FYTTD1: variants seen among roughly 807,000 people sequenced by gnomAD.
FYTTD1 encodes the protein UAP56-interacting factor.
Under a neutral mutation model 40.9 loss-of-function variants are expected in FYTTD1, and 22 were observed. That is an observed-to-expected ratio of 0.54 (90% CI 0.38 to 0.77). The LOEUF is 0.77. Among genes scored for constraint, FYTTD1 ranks in the 30% least tolerant of loss-of-function variants. The probability of loss-of-function intolerance (pLI) is 0.00; values close to 1 mark genes in which losing one functional copy is unlikely to be tolerated. For missense variants in FYTTD1, 351 were observed against 392.2 expected, an observed-to-expected ratio of 0.90 and a Z score of 0.89; for synonymous variants, 140 against 137.9, an observed-to-expected ratio of 1.01 and a Z score of -0.10.
chr3:197,779,856 C>T (rs1189766399), intron 8 of FYTTD1, among the ~76,000 whole-genome samples: 6 of 146,950 alleles, frequency 4.1e-5, no homozygotes, highest in African/African-American at 1.5e-4. Flanking sequence ...ACACACACTA[C>T]ACCTGGAGAT....
In FYTTD1 at chr3:197,756,517, A is replaced by G; in HGVS notation, c.195A>G (p.Gln65=). The G allele has an allele frequency of 6.2e-7, 1 of 1,613,772 alleles. No individual in the cohort carries two copies. Among genetic ancestry groups the G allele is most frequent in the Non-Finnish European group, 8.5e-7 (1 of 1,179,650 alleles). ...TCCTCCAGCAAAGTGGTGCCCAGCAATTCAGGATGAGAGTGCGATGGGGAA... is the reference window on the plus strand; with the variant it reads ...TCCTCCAGCAAAGTGGTGCCCAGCAGTTCAGGATGAGAGTGCGATGGGGAA... ...RRLLQQSGAQ[Q]FRMRVRWGIQ... Residue 65 remains glutamine (Q), a synonymous_variant, in exon 2 of 9, where the codon CAA becomes CAG. Transcript: ENST00000241502.
At chr3:197,761,128 T>C (rs760501830) in intron 2 of FYTTD1, among the ~76,000 whole-genome samples, 18 of 151,758 alleles carry the variant, frequency 1.2e-4, no homozygotes, top group Non-Finnish European at 1.9e-4. Context: ...TGTTCTTCAG[T>C]GGTAGAATGT....
Position 197,781,815 on chromosome 3 carries a change from G to A in FYTTD1, c.863G>A (p.Gly288Glu), listed in dbSNP as rs772691789. ...TTGTTTTTTTCTTTTCTCTAGACAG[G>A]GATGACGTTGAATGAGCGGTTTGGG... Reference protein sequence around the residue: ...FDINSVGKQTGMTLNERFGIL... With the variant: ...FDINSVGKQTEMTLNERFGIL... Residue 288 changes from glycine (G) to glutamate (E), a missense_variant, in exon 9 of 9, where the codon GGG becomes GAG. Physicochemically the swap from Gly to Glu is moderately conservative, Grantham distance 98. Transcript: ENST00000241502. 6.2e-7 allele frequency: 1 copy of A among 1,602,880 alleles called. No individual in the cohort carries two copies. The highest frequency in any genetic ancestry group is 8.5e-7 in the Non-Finnish European group (1 of 1,172,884).
intron 1 of FYTTD1, among the ~76,000 whole-genome samples, chr3:197,756,215 A>G (rs763488439): frequency 9.2e-5 from 14 of 152,150 alleles, no homozygotes; most frequent in Non-Finnish European, 1.8e-4. Flanking sequence ...TTCATCAGGT[A>G]AAGAAATACT....
intron 2 of FYTTD1, among the ~76,000 whole-genome samples, chr3:197,762,590 A>G (rs1168481711): frequency 6.7e-6 from 1 of 149,692 alleles, no homozygotes; most frequent in Non-Finnish European, 1.5e-5. Context: ...CTCTGTCTCA[A>G]ACATAAAAAA....
rs1423045508 is a variant in FYTTD1 at position 197,749,918 on chromosome 3, A to G, written c.-54A>G. 1.0e-5 allele frequency: 12 copies of G among 1,187,204 alleles called. No individual in the cohort carries two copies. The highest frequency in any genetic ancestry group is 1.5e-5 in the South Asian group (1 of 65,470). The allele number at this position is 1,187,204 out of a possible 1,614,324, so 73.5% of individuals were successfully genotyped here. On this transcript the variant is annotated 5_prime_UTR_variant, in exon 1 of 9. Transcript: ENST00000241502. Reference sequence around the variant, plus strand: ...GCTGCGTGCGCGAGTGGGAGGTGGCAGGCCTGCGACTCCGGCCTTGTCCGC... The same window carrying G: ...GCTGCGTGCGCGAGTGGGAGGTGGCGGGCCTGCGACTCCGGCCTTGTCCGC...
chr3:197,778,902 C>G (rs900997796), intron 8 of FYTTD1, among the ~76,000 whole-genome samples: 2 of 152,146 alleles, frequency 1.3e-5, no homozygotes, highest in African/African-American at 4.8e-5. Context: ...TGGTAAATAC[C>G]TAGGAGTAGA....
intron 1 of FYTTD1, among the ~76,000 whole-genome samples, chr3:197,752,153 C>T (rs964001605): frequency 1.4e-4 from 21 of 152,288 alleles, no homozygotes; most frequent in Non-Finnish European, 2.6e-4. Context: ...CGTGAGCCGC[C>T]GCACCCGGCC....
intron 2 of FYTTD1, among the ~76,000 whole-genome samples, chr3:197,760,047 G>A (rs1729331773): frequency 6.6e-6 from 1 of 151,998 alleles, no homozygotes; most frequent in South Asian, 2.1e-4. Context: ...TTCTTCCGTG[G>A]TAGAACGTAT....
intron 2 of FYTTD1, among the ~76,000 whole-genome samples, chr3:197,764,704 G>A (rs1304092240): frequency 2.7e-4 from 10 of 37,196 alleles, no homozygotes; most frequent in Admixed American, 8.5e-4. Context: ...GCGAGAGTCC[G>A]TCCCAAAAAA....
intron 2 of FYTTD1, among the ~76,000 whole-genome samples, chr3:197,759,428 GT>G (rs1202040105): frequency 6.6e-6 from 1 of 151,872 alleles, no homozygotes; most frequent in African/African-American, 2.4e-5. Flanking sequence ...AATGTATGGA[GT>G]TGTTCTTCAG....
chr3:197,755,676 C>G (rs199534071), intron 1 of FYTTD1: 5 of 430,896 alleles, frequency 1.2e-5, no homozygotes, highest in Non-Finnish European at 1.3e-5. Context: ...TTAGTAGAGA[C>G]GGGATTTCAC....
chr3:197,753,903 C>G (rs1729139154), intron 1 of FYTTD1, among the ~76,000 whole-genome samples: 1 of 152,048 alleles, frequency 6.6e-6, no homozygotes, highest in African/African-American at 2.4e-5. Context: ...CCACACCCGG[C>G]TAATTTTTTG....
chr3:197,779,533 T>C (rs1272293695), intron 8 of FYTTD1, among the ~76,000 whole-genome samples: 1 of 148,110 alleles, frequency 6.8e-6, no homozygotes, highest in Non-Finnish European at 1.5e-5. Flanking sequence ...TTAGGACTTT[T>C]TTTTTTTTTT....
At chr3:197,763,956 G>A (rs577312088) in intron 2 of FYTTD1, among the ~76,000 whole-genome samples, 3 of 152,266 alleles carry the variant, frequency 2.0e-5, no homozygotes, top group Admixed American at 6.5e-5. Flanking sequence ...ACGCTCTGGC[G>A]GTACTTTATT....
chr3:197,779,042 T>C (rs1729951408), intron 8 of FYTTD1, among the ~76,000 whole-genome samples: 3 of 152,110 alleles, frequency 2.0e-5, no homozygotes, highest in African/African-American at 7.2e-5. Context: ...TTTCTCTACA[T>C]CCTCACCAAC....
chr3:197,749,961 C>G lies in FYTTD1; in HGVS notation c.-11C>G. On this transcript the variant is annotated 5_prime_UTR_variant, in exon 1 of 9. Coordinates refer to ENST00000241502, the MANE Select transcript of FYTTD1 (RefSeq NM_032288.7). ...TTGTCCGCGCCCGCTCTCGGCGCGACGTCTCCAGCCATGAACCGGTTTGGT... is the reference window on the plus strand; with the variant it reads ...TTGTCCGCGCCCGCTCTCGGCGCGAGGTCTCCAGCCATGAACCGGTTTGGT... 1 of 1,553,424 alleles carries G rather than the reference C, an allele frequency of 6.4e-7. No individual in the cohort carries two copies.
intron 1 of FYTTD1, among the ~76,000 whole-genome samples, chr3:197,754,530 TTTAA>T (rs779932049): frequency 1.7e-4 from 26 of 152,198 alleles, no homozygotes; most frequent in African/African-American, 6.0e-4. Flanking sequence ...AAAAATTGAG[TTTAA>T]TTAGTTTCAT....
intron 2 of FYTTD1, among the ~76,000 whole-genome samples, chr3:197,764,977 G>A (rs1729500755): frequency 6.6e-6 from 1 of 151,376 alleles, no homozygotes; most frequent in Non-Finnish European, 1.5e-5. Flanking sequence ...AGCCTCCCCA[G>A]TAGCTGGGAT....
Sources: allele counts gnomAD v4.1 joint callset (sites outside exome capture counted in the v4.1 genomes callset), GRCh38; gene constraint gnomAD v4.1.1; transcripts MANE v1.5; gene names NCBI Gene and HGNC (gene_info 2026-07-23, HGNC 2026-07-21).